PALM2AKAP2: variants seen among roughly 807,000 people sequenced by gnomAD.
PALM2AKAP2 encodes PALM2-AKAP2 fusion protein.
In PALM2AKAP2, 37 loss-of-function variants were observed where a neutral mutation model predicts 71.5. The observed-to-expected ratio is 0.52, with a 90% CI of 0.40 to 0.68. The LOEUF (loss-of-function observed/expected upper bound fraction) is 0.68, where lower values mean the gene tolerates loss of function less well. Ranked by LOEUF, PALM2AKAP2 falls within the 30% of genes least tolerant of loss-of-function variation. PALM2AKAP2 has a pLI of 0.00. For synonymous variants in PALM2AKAP2, 468 were observed against 478.8 expected (o/e 0.98, Z 0.29); for missense variants, 1,224 against 1,191.8 (o/e 1.03, Z -0.40).
intron 2 of PALM2AKAP2, 133 bp from the exon 9 acceptor site, chr9:110,156,186 G>T: frequency 7.9e-7 from 1 of 1,271,274 alleles, no homozygotes. Flanking sequence ...TAATAAAATG[G>T]CCTACACTTA....
intron 1 of PALM2AKAP2, among the ~76,000 whole-genome samples, chr9:110,135,324 AGC>A (rs1835836510): frequency 1.5e-5 from 2 of 129,596 alleles, no homozygotes; most frequent in Non-Finnish European, 3.2e-5. Context: ...AAAAAAAAAA[AGC>A]CCTCAAGACA....
chr9:109,813,103 A>C (rs972321647), intron 1 of PALM2AKAP2, among the ~76,000 whole-genome samples: 1 of 152,246 alleles, frequency 6.6e-6, no homozygotes, highest in Admixed American at 6.5e-5. Flanking sequence ...TGCCCATAGC[A>C]GCTGAAAACA....
chr9:109,682,718 A>T (rs547108761), intron 1 of PALM2AKAP2, among the ~76,000 whole-genome samples: 1 of 152,310 alleles, frequency 6.6e-6, no homozygotes, highest in South Asian at 2.1e-4. Context: ...CTTCTGGCCT[A>T]GTGCCATTTT....
chr9:109,850,261 C>G (rs1442307824), intron 1 of PALM2AKAP2, among the ~76,000 whole-genome samples: 1 of 152,166 alleles, frequency 6.6e-6, no homozygotes, highest in Non-Finnish European at 1.5e-5. Flanking sequence ...ATAAAAGAAA[C>G]TCATACCCAG....
chr9:109,917,475 G>A (rs992050810), intron 3 of PALM2AKAP2, among the ~76,000 whole-genome samples: 6 of 147,802 alleles, frequency 4.1e-5, no homozygotes, highest in Admixed American at 6.8e-5. Flanking sequence ...TTAAGCCAAC[G>A]CTCCTTTCCT....
Position 109,829,565 on chromosome 9 carries a change from C to A in PALM2AKAP2, c.46-37926C>A, listed in dbSNP as rs12550933. 1.6e-4 allele frequency among the ~76,000 whole-genome samples: 25 copies of A among 151,844 alleles called. No homozygotes were observed. In the Admixed American group the frequency reaches 1.6e-3, roughly 10 times the overall value. The stretch of plus-strand genomic sequence containing the variant: ...TAAGTTCTCCATCTGCCATAAAATT[C>A]TGGGAAGAAAAAATATGAAGTATTC... On this transcript the variant is annotated intron_variant, in intron 1 of 9. Coordinates refer to the PALM2AKAP2 transcript ENST00000302798.
At chr9:109,858,773 G>A (rs568646783) in intron 1 of PALM2AKAP2, among the ~76,000 whole-genome samples, 3 of 152,168 alleles carry the variant, frequency 2.0e-5, no homozygotes, top group African/African-American at 7.2e-5. Context: ...TCATAAAGCG[G>A]GTCTTACTTT....
At chr9:109,740,205 T>C (rs535557130) in intron 1 of PALM2AKAP2, among the ~76,000 whole-genome samples, 1 of 152,352 alleles carries the variant, frequency 6.6e-6, no homozygotes, top group South Asian at 2.1e-4. Flanking sequence ...TGCCAGGTAC[T>C]GTTCTAGCTG....
intron 1 of PALM2AKAP2, among the ~76,000 whole-genome samples, chr9:110,085,025 C>T (rs1483913667): frequency 6.6e-6 from 1 of 152,138 alleles, no homozygotes; most frequent in Non-Finnish European, 1.5e-5. Context: ...CAGGCGTGAG[C>T]CACCGCGCCC....
In PALM2AKAP2 at chr9:110,016,168, A is replaced by C. The variant is rs565254701; in HGVS notation, c.582+129A>C. The C allele has an allele frequency of 1.6e-5, 14 of 888,678 alleles. No individual in the cohort carries two copies. In the South Asian group the frequency reaches 2.1e-4, roughly 13 times the overall value. The allele number at this position is 888,678 out of a possible 1,614,324, so 55.0% of individuals were successfully genotyped here. ...GCTAGAGTTCTCTCTCTACTCACTG[A>C]GGTCTTAGGGAGGCAACCGTACATA... On this transcript the variant is annotated intron_variant, in intron 7 of 9. Coordinates refer to the PALM2AKAP2 transcript ENST00000302798.
chr9:109,929,882 A>T (rs946691087), intron 5 of PALM2AKAP2, among the ~76,000 whole-genome samples: 6 of 145,284 alleles, frequency 4.1e-5, no homozygotes, highest in Non-Finnish European at 9.2e-5. Flanking sequence ...AAAAAAAAAA[A>T]AAAAAGAGAG....
In PALM2AKAP2 at chr9:110,042,535, C is replaced by G. The variant is rs12237045; in HGVS notation, c.582+26496C>G. On this transcript the variant is annotated intron_variant, in intron 7 of 9. Coordinates refer to the PALM2AKAP2 transcript ENST00000302798. ...CTTACTTTGGAAATCCGTAAACATA[C>G]AAATCATCCATATGGATGGTGTAAA... 8.5e-4 allele frequency among the ~76,000 whole-genome samples: 129 copies of G among 152,318 alleles called. 1 individual carries two copies. The East Asian group carries it at 0.022, about 26-fold the overall frequency.
At chr9:110,091,263 T>G (rs1834698537) in intron 1 of PALM2AKAP2, among the ~76,000 whole-genome samples, 2 of 152,086 alleles carry the variant, frequency 1.3e-5, no homozygotes. Context: ...AGATCAGGTA[T>G]TGTCTACGGT....
At chr9:109,720,890 G>C (rs1456767169) in intron 1 of PALM2AKAP2, among the ~76,000 whole-genome samples, 4 of 152,200 alleles carry the variant, frequency 2.6e-5, no homozygotes, top group Admixed American at 2.6e-4. Context: ...ACTAGGGATA[G>C]AGCAGTAAGC....
chr9:109,954,671 AAAAAAAAAAAGAAGT>A (rs1320241647), intron 6 of PALM2AKAP2, among the ~76,000 whole-genome samples: 3 of 150,940 alleles, frequency 2.0e-5, no homozygotes, highest in African/African-American at 7.3e-5. Flanking sequence ...AAAAAAAAAA[AAAAAAAAAAAGAAGT>A]TAAGGTTGCA....
upstream of PALM2AKAP2, chr9:110,048,658 TC>T (rs747656003): frequency 3.6e-5 from 53 of 1,476,256 alleles, no homozygotes; most frequent in Non-Finnish European, 4.4e-5. Flanking sequence ...CGGGCGGGGC[TC>T]CCCGCCCTCC....
intron 1 of PALM2AKAP2, among the ~76,000 whole-genome samples, chr9:109,797,222 C>G (rs761166286): frequency 3.9e-5 from 6 of 152,194 alleles, no homozygotes; most frequent in Non-Finnish European, 8.8e-5. Context: ...TAAGTTCTCA[C>G]TCCGCTTAGC....
At chr9:109,665,582 C>T (rs139518507) in intron 1 of PALM2AKAP2, among the ~76,000 whole-genome samples, 19 of 152,246 alleles carry the variant, frequency 1.2e-4, no homozygotes, top group African/African-American at 2.2e-4. Context: ...GAGGGGCAGC[C>T]GCCTATATGA....
chr9:109,687,502 G>A (rs1827821928), intron 1 of PALM2AKAP2, among the ~76,000 whole-genome samples: 2 of 152,092 alleles, frequency 1.3e-5, no homozygotes, highest in Non-Finnish European at 2.9e-5. Flanking sequence ...CCTCATGAAC[G>A]AACCTCTGCT....
Sources: gnomAD v4.1 joint callset for allele counts (sites outside exome capture counted in the v4.1 genomes callset) on GRCh38, gnomAD v4.1.1 for gene constraint, MANE v1.5 for transcripts, NCBI Gene and HGNC (gene_info 2026-07-23, HGNC 2026-07-21) for gene names.